Variants in CTNNA3 observed in about 807,000 individuals in gnomAD.
The protein encoded by CTNNA3 is catenin alpha 3, also known as catenin alpha-3.
Under a neutral mutation model 95.7 loss-of-function variants are expected in CTNNA3, and 76 were observed. That is an observed-to-expected ratio of 0.79 (90% confidence interval 0.66 to 0.96). The LOEUF (loss-of-function observed/expected upper bound fraction) is 0.96. Ranked by LOEUF, CTNNA3 falls within the 40% of genes least tolerant of loss-of-function variation. CTNNA3 has a pLI of 0.00. For synonymous variants in CTNNA3, 431 were observed against 374.4 expected (o/e 1.15, Z -1.74); for missense variants, 1,191 against 1,089.8 (o/e 1.09, Z -1.31).
intron 1 of CTNNA3, among the ~76,000 whole-genome samples, chr10:67,650,739 C>T (rs539165494): frequency 6.6e-6 from 1 of 152,298 alleles, no homozygotes; most frequent in South Asian, 2.1e-4. Flanking sequence ...ATTTGACACC[C>T]TGTGCACGTC....
intron 5 of CTNNA3, among the ~76,000 whole-genome samples, chr10:67,297,874 A>T (rs910631178): frequency 2.6e-5 from 4 of 152,242 alleles, no homozygotes; most frequent in Non-Finnish European, 4.4e-5. Context: ...CTGCTTTTTA[A>T]ATGGAAAATA....
At chr10:67,197,090 A>G (rs576191263) in intron 6 of CTNNA3, among the ~76,000 whole-genome samples, 12 of 152,234 alleles carry the variant, frequency 7.9e-5, no homozygotes, top group Admixed American at 2.6e-4. Context: ...TTTTAAGTAT[A>G]TTAAATCTTA....
intron 9 of CTNNA3, among the ~76,000 whole-genome samples, chr10:66,639,324 C>T (rs916258891): frequency 6.6e-6 from 1 of 152,018 alleles, no homozygotes; most frequent in African/African-American, 2.4e-5. Context: ...TTACAGTGGC[C>T]ATTTTTATTA....
intron 7 of CTNNA3, among the ~76,000 whole-genome samples, chr10:66,976,583 C>A (rs1266947489): frequency 6.6e-6 from 1 of 152,122 alleles, no homozygotes; most frequent in Non-Finnish European, 1.5e-5. Flanking sequence ...AGTGACTTCC[C>A]TAAAGAAAAA....
intron 6 of CTNNA3, among the ~76,000 whole-genome samples, chr10:67,197,328 C>T (rs1374022656): frequency 6.6e-6 from 1 of 151,790 alleles, no homozygotes; most frequent in Non-Finnish European, 1.5e-5. Context: ...ATAAGTAATC[C>T]CAATTGTGCT....
chr10:66,488,010 GCAGT>G (rs1839799220), intron 11 of CTNNA3, among the ~76,000 whole-genome samples: 1 of 152,142 alleles, frequency 6.6e-6, no homozygotes, highest in African/African-American at 2.4e-5. Flanking sequence ...ACTGCCATCA[GCAGT>G]CAGTCTGTGC....
intron 7 of CTNNA3, among the ~76,000 whole-genome samples, chr10:66,966,628 G>A (rs895598996): frequency 2.0e-5 from 3 of 151,886 alleles, no homozygotes; most frequent in Admixed American, 6.6e-5. Context: ...CCTAATTTAC[G>A]GCGAGGGGGA....
At chr10:67,553,953 C>T (rs1191009174) in intron 3 of CTNNA3, among the ~76,000 whole-genome samples, 1 of 152,146 alleles carries the variant, frequency 6.6e-6, no homozygotes, top group Non-Finnish European at 1.5e-5. Flanking sequence ...TGTTCCCCAC[C>T]CTGTGTCCAA....
chr10:67,389,168 C>T (rs1213082387), intron 5 of CTNNA3, among the ~76,000 whole-genome samples: 1 of 151,698 alleles, frequency 6.6e-6, no homozygotes, highest in Non-Finnish European at 1.5e-5. Context: ...GGAAACCCAT[C>T]TCACGTGCAG....
intron 5 of CTNNA3, among the ~76,000 whole-genome samples, chr10:67,310,146 C>T (rs1430276182): frequency 1.3e-5 from 2 of 152,160 alleles, no homozygotes; most frequent in East Asian, 3.9e-4. Flanking sequence ...TAAAGGCTCA[C>T]ACCTTGGAAG....
Position 66,220,883 on chromosome 10 carries a change from T to TG in CTNNA3, c.1884+59586dup, listed in dbSNP as rs963405340. Among the ~76,000 whole-genome samples the TG allele has an allele frequency of 1.3e-4, 19 of 151,964 alleles. 1 individual carries two copies. On this transcript the variant is annotated intron_variant, in intron 13 of 17. Transcript: ENST00000433211. ...GCCTGGGATTTTTATAGGTACAGGA[T>TG]GGGGGGTGAGGTGGGCCAGAGTGGT... is the stretch of plus-strand genomic sequence containing the variant.
At chr10:66,854,255 T>C (rs4593895) in intron 7 of CTNNA3, among the ~76,000 whole-genome samples, 88,698 of 151,770 alleles carry the variant, frequency 0.58, 26,993 homozygotes, top group African/African-American at 0.64. Context: ...ACATGTGCAA[T>C]TGAGTTCTTT....
intron 7 of CTNNA3, among the ~76,000 whole-genome samples, chr10:66,908,695 T>A (rs1846097978): frequency 6.6e-6 from 1 of 152,096 alleles, no homozygotes; most frequent in Admixed American, 6.5e-5. Flanking sequence ...AAAAAATTCA[T>A]TTTTATTATA....
chr10:67,518,345 A>AT (rs1253579192), intron 5 of CTNNA3, among the ~76,000 whole-genome samples: 1 of 152,148 alleles, frequency 6.6e-6, no homozygotes, highest in Non-Finnish European at 1.5e-5. Flanking sequence ...TTAAAGAATG[A>AT]TTTAAGTATG....
chr10:66,942,572 CTCTCTG>C (rs1399283845), intron 7 of CTNNA3, among the ~76,000 whole-genome samples: 78 of 149,832 alleles, frequency 5.2e-4, no homozygotes, highest in East Asian at 4.1e-4. Flanking sequence ...CTCTCTCTCT[CTCTCTG>C]TGTGTGTGTA....
At chr10:66,198,068 G>T (rs1489210438) in intron 13 of CTNNA3, among the ~76,000 whole-genome samples, 2 of 152,104 alleles carry the variant, frequency 1.3e-5, no homozygotes, top group South Asian at 2.1e-4. Flanking sequence ...CTGTACATCT[G>T]ATTCTTCTGA....
chr10:67,551,816 A>G (rs960240419), intron 3 of CTNNA3, among the ~76,000 whole-genome samples: 2 of 152,238 alleles, frequency 1.3e-5, no homozygotes, highest in Non-Finnish European at 2.9e-5. Flanking sequence ...GTCCATAACC[A>G]GTGGACTATC....
intron 11 of CTNNA3, among the ~76,000 whole-genome samples, chr10:66,510,706 T>C (rs956385562): frequency 6.6e-6 from 1 of 151,964 alleles, no homozygotes; most frequent in Non-Finnish European, 1.5e-5. Context: ...TTGATTTGCA[T>C]ATATTGAACT....
chr10:67,603,627 G>T (rs1227977993), intron 3 of CTNNA3, among the ~76,000 whole-genome samples: 1 of 151,620 alleles, frequency 6.6e-6, no homozygotes, highest in East Asian at 1.9e-4. Flanking sequence ...AATTAAAAAT[G>T]TAAAAAAGAA....
Sources: gnomAD v4.1 joint callset for allele counts (sites outside exome capture counted in the v4.1 genomes callset) on GRCh38, gnomAD v4.1.1 for gene constraint, MANE v1.5 for transcripts, NCBI Gene and HGNC (gene_info 2026-07-23, HGNC 2026-07-21) for gene names.